ERMP1: variants seen among roughly 807,000 people sequenced by gnomAD.
ERMP1 encodes Felix-ina.
A neutral mutation model predicts 92.0 loss-of-function variants in ERMP1; 86 were observed. That is an observed-to-expected ratio of 0.93 (90% CI 0.79 to 1.12). ERMP1 has a LOEUF of 1.12. ERMP1 is among the 50% of genes most tolerant of loss of function. The pLI, the probability that ERMP1 is intolerant of heterozygous loss-of-function variation, is 0.00. For synonymous variants in ERMP1, 530 were observed against 412.8 expected (o/e 1.28, Z -3.44); for missense variants, 1,342 against 1,116.3 (o/e 1.20, Z -2.88).
chr9:5,815,380 G>A (rs1036792094), intron 4 of ERMP1, among the ~76,000 whole-genome samples: 4 of 151,480 alleles, frequency 2.6e-5, no homozygotes, highest in Admixed American at 2.0e-4. Flanking sequence ...AGGGGCTCAG[G>A]CACTGATTTG....
At chr9:5,853,570 T>G (rs868361736) in intron 6 of ERMP1, among the ~76,000 whole-genome samples, 14 of 151,952 alleles carry the variant, frequency 9.2e-5, no homozygotes, top group Admixed American at 3.9e-4. Flanking sequence ...CTAAATGTGG[T>G]TTGGCCTGGA....
chr9:5,852,975 C>T (rs930773706), intron 6 of ERMP1, among the ~76,000 whole-genome samples: 1 of 152,046 alleles, frequency 6.6e-6, no homozygotes. Context: ...GTGTCTGGGG[C>T]CTGAGAATTA....
At chr9:5,828,305 G>A (rs1032386857) in intron 2 of ERMP1, among the ~76,000 whole-genome samples, 1 of 152,130 alleles carries the variant, frequency 6.6e-6, no homozygotes, top group Non-Finnish European at 1.5e-5. Flanking sequence ...ATTTTGAGCT[G>A]AAGGCAACTG....
intron 4 of ERMP1, among the ~76,000 whole-genome samples, chr9:5,818,262 G>A (rs538318237): frequency 6.6e-6 from 1 of 152,092 alleles, no homozygotes. Context: ...AGCAGGTTGT[G>A]ATAAAAGTGG....
rs1829120957 is a variant in ERMP1, at chr9:5,812,140, AATCTG to A, written c.1094_1098del (p.Thr365IlefsTer7). The A allele has an allele frequency of 6.2e-7, 1 of 1,604,928 alleles. No homozygotes were observed. Among genetic ancestry groups the A allele is most frequent in the Non-Finnish European group, 8.5e-7 (1 of 1,174,986 alleles). ...GAATACCAACCTGCTCTCTGAATGG[AATCTG>A]TTAGAATTCTGTCCGCTGTGTCATA... is the stretch of plus-strand genomic sequence containing the variant. On this transcript the variant is annotated frameshift_variant, in exon 6 of 15. Transcript: ENST00000339450. LOFTEE classifies it high-confidence loss of function.
chr9:5,786,589 C>G lies in ERMP1; in HGVS notation c.*555G>C, dbSNP rs1223807353. On this transcript the variant is annotated 3_prime_UTR_variant, in exon 15 of 15. Transcript: ENST00000339450. ...AGAGAGACAAAGCACATTTGAGAGG[C>G]TGCCTGAAGAAACAGCTTGACACAG... 1 of 154,584 alleles carries G rather than the reference C, an allele frequency of 6.5e-6. No individual in the cohort carries two copies. The highest frequency in any genetic ancestry group is 1.4e-5 in the Non-Finnish European group (1 of 69,620). 9.6% of individuals were successfully genotyped at this position (154,584 alleles called of 1,614,324 possible).
At chr9:5,804,959 A>C in intron 10 of ERMP1, 68 bp downstream of exon 10, 1 of 1,247,570 alleles carries the variant, frequency 8.0e-7, no homozygotes, top group Non-Finnish European at 1.1e-6. Context: ...ATTTCACAGA[A>C]TCTAGTATGG....
At chr9:5,825,933 G>A (rs545738573) in intron 2 of ERMP1, among the ~76,000 whole-genome samples, 33 of 152,226 alleles carry the variant, frequency 2.2e-4, no homozygotes, top group Admixed American at 1.7e-3. Flanking sequence ...TTAAAGCATT[G>A]TAAGAGACAA....
At chr9:5,853,779 T>C (rs563575966) in intron 6 of ERMP1, among the ~76,000 whole-genome samples, 49 of 150,030 alleles carry the variant, frequency 3.3e-4, no homozygotes, top group Non-Finnish European at 5.0e-4. Context: ...GCCCACAGAA[T>C]TTCAGATTTA....
intron 2 of ERMP1, among the ~76,000 whole-genome samples, chr9:5,827,017 T>C (rs1332004614): frequency 1.3e-5 from 2 of 152,182 alleles, no homozygotes; most frequent in East Asian, 3.8e-4. Context: ...CCTTTCCATT[T>C]AGAATTAACC....
At chr9:5,798,488 T>TTAC (rs1300001127) in intron 12 of ERMP1, among the ~76,000 whole-genome samples, 1 of 152,170 alleles carries the variant, frequency 6.6e-6, no homozygotes, top group Non-Finnish European at 1.5e-5. Flanking sequence ...AGTGCTGGGA[T>TTAC]TACAGGCATG....
Position 5,830,800 on chromosome 9 carries a change from C to T in ERMP1, c.567G>A (p.Lys189=). ...YYDNITNVVV[K]LEPRDGAQHA... ...GCTGGGCTCCATCTCTGGGTTCCAG[C>T]TTTACCACAACATTGGTGATGTTGT... Residue 189 remains lysine, a synonymous_variant, in exon 2 of 15, where the codon AAG becomes AAA. Transcript: ENST00000339450. 1 of 1,614,158 alleles carries T rather than the reference C, an allele frequency of 6.2e-7. No individual in the cohort carries two copies. The highest frequency in any genetic ancestry group is 8.5e-7 in the Non-Finnish European group (1 of 1,180,022).
rs1436018645 is a variant in ERMP1 at position 5,804,422 on chromosome 9, AC to A, written c.1914+604del. On this transcript the variant is annotated intron_variant, in intron 10 of 14. Transcript: ENST00000339450. ...GAAAAAAAGGGATGGCAAACACAGG[AC>A]TCTCCTTACTAGGGCAGGACACTGA... Among the ~76,000 whole-genome samples the A allele has an allele frequency of 4.6e-5, 7 of 151,932 alleles. No individual in the cohort carries two copies. In the East Asian group the frequency reaches 1.2e-3, roughly 25 times the overall value.
chr9:5,854,915 C>G (rs1446357432), intron 6 of ERMP1, among the ~76,000 whole-genome samples: 2 of 152,144 alleles, frequency 1.3e-5, no homozygotes, highest in Non-Finnish European at 2.9e-5. Context: ...TCCCAAAAGA[C>G]TTTGGGGGTT....
At chr9:5,827,413 T>G (rs888255187) in intron 2 of ERMP1, among the ~76,000 whole-genome samples, 26 of 152,170 alleles carry the variant, frequency 1.7e-4, no homozygotes, top group Non-Finnish European at 1.5e-4. Context: ...GTTTATGAAT[T>G]TGTATTGGGC....
chr9:5,812,181 T>A lies in ERMP1; in HGVS notation c.1058A>T (p.Tyr353Phe). The A allele has an allele frequency of 6.2e-7, 1 of 1,609,980 alleles. No homozygotes were observed. Among genetic ancestry groups the A allele is most frequent in the Non-Finnish European group, 8.5e-7 (1 of 1,177,640 alleles). Residue 353 changes from tyrosine to phenylalanine, a missense_variant, in exon 6 of 15, where the codon TAT becomes TTT. Transcript: ENST00000339450. ...GTCCGCTGTGTCATACTTGGTGTGA[T>A]AAATGTATCCATTCTCAATAAAAGC... The part of the protein sequence containing the change: ...DLAFIENGYI[Y>F]HTKYDTADRI...
At chr9:5,817,034 G>T (rs998703662) in intron 4 of ERMP1, among the ~76,000 whole-genome samples, 7 of 151,848 alleles carry the variant, frequency 4.6e-5, no homozygotes. Flanking sequence ...AAGTAGCTGG[G>T]ACTACAGGCG....
Position 5,787,517 on chromosome 9 carries a change from G to C in ERMP1, c.2463C>G (p.Thr821=). The change falls in exon 14 of 15, where the codon ACC becomes ACG. Residue 821 remains threonine, a synonymous_variant. Coordinates refer to ENST00000339450, the MANE Select transcript of ERMP1 (RefSeq NM_024896.3). ...AGTCTCCTCCTTTACTTGTGACTGG[G>C]GTGCCATTGCCAAGAGACCACTGAG... ...TLSQWSLGNG[T]PVTSKGGDYF... 1 of 1,614,082 alleles carries C rather than the reference G, an allele frequency of 6.2e-7. No individual in the cohort carries two copies. The highest frequency in any genetic ancestry group is 1.3e-5 in the African/African-American group (1 of 75,026).
chr9:5,846,846 G>A (rs559950909), intron 6 of ERMP1, among the ~76,000 whole-genome samples: 22 of 152,202 alleles, frequency 1.4e-4, no homozygotes, highest in African/African-American at 3.9e-4. Flanking sequence ...ATCACATTCC[G>A]CTTTGACCCA....
Sources: gnomAD v4.1 joint callset for allele counts (sites outside exome capture counted in the v4.1 genomes callset) on GRCh38, gnomAD v4.1.1 for gene constraint, MANE v1.5 for transcripts, NCBI Gene and HGNC (gene_info 2026-07-23, HGNC 2026-07-21) for gene names.